ATOSA: variants seen among roughly 807,000 people sequenced by gnomAD.
ATOSA encodes the protein atos homolog A, also known as atos homolog protein A.
the ATOSA span, among the ~76,000 whole-genome samples, chr15:52,643,568 C>T: frequency 4.0e-4 from 60 of 151,832 alleles, no homozygotes; most frequent in African/African-American, 1.3e-3. Flanking sequence ...CAGGTGTGAG[C>T]CACAGTACCT....
At chr15:52,582,963 C>T in the ATOSA span, among the ~76,000 whole-genome samples, 1 of 152,312 alleles carries the variant, frequency 6.6e-6, no homozygotes, top group African/African-American at 2.4e-5. Flanking sequence ...CAAACATACC[C>T]TGTAGTGCTA....
chr15:52,681,311 G>T, the ATOSA span, among the ~76,000 whole-genome samples: 3 of 152,108 alleles, frequency 2.0e-5, no homozygotes, highest in African/African-American at 4.8e-5. Context: ...AATACTACCT[G>T]CTAGGCTCAT....
chr15:52,632,425 T>C, the ATOSA span, among the ~76,000 whole-genome samples: 2 of 152,218 alleles, frequency 1.3e-5, no homozygotes, highest in East Asian at 1.9e-4. Context: ...TACTTTTCTA[T>C]GGAACTGTGA....
At chr15:52,688,690 T>C in the ATOSA span, among the ~76,000 whole-genome samples, 1 of 152,222 alleles carries the variant, frequency 6.6e-6, no homozygotes. Context: ...GATGAGGTTT[T>C]ATCTGAAGGT....
chr15:52,594,854 G>C, the ATOSA span, among the ~76,000 whole-genome samples: 1 of 150,828 alleles, frequency 6.6e-6, no homozygotes, highest in East Asian at 1.9e-4. Flanking sequence ...TTCTTTTTTT[G>C]AAAAAAGCCT....
the ATOSA span, among the ~76,000 whole-genome samples, chr15:52,646,712 A>T: frequency 1.3e-5 from 2 of 152,214 alleles, no homozygotes; most frequent in Admixed American, 1.3e-4. Flanking sequence ...TTTAAGCCTC[A>T]ATTTTTAAAT....
the ATOSA span, among the ~76,000 whole-genome samples, chr15:52,699,486 A>G: frequency 6.6e-6 from 1 of 151,196 alleles, no homozygotes; most frequent in South Asian, 2.1e-4. Context: ...GGATTTGGAG[A>G]TTTTTAAGGC....
chr15:52,607,483 T>A, the ATOSA span, among the ~76,000 whole-genome samples: 1 of 152,144 alleles, frequency 6.6e-6, no homozygotes, highest in Non-Finnish European at 1.5e-5. Flanking sequence ...CCTTGATTAT[T>A]GTGAGGTAGT....
the ATOSA span, among the ~76,000 whole-genome samples, chr15:52,691,139 T>G: frequency 1.3e-5 from 2 of 152,174 alleles, no homozygotes; most frequent in Admixed American, 1.3e-4. Flanking sequence ...CAATCTCTGC[T>G]TATCCATCTA....
the ATOSA span, among the ~76,000 whole-genome samples, chr15:52,633,858 T>C: frequency 6.6e-6 from 1 of 152,056 alleles, no homozygotes; most frequent in African/African-American, 2.4e-5. Flanking sequence ...TTAAATATAA[T>C]TAAAGGAAAA....
the ATOSA span, among the ~76,000 whole-genome samples, chr15:52,642,714 C>A: frequency 6.6e-6 from 1 of 152,320 alleles, no homozygotes; most frequent in Non-Finnish European, 1.5e-5. Flanking sequence ...ACTGCTATTT[C>A]AGCAATCTCC....
the ATOSA span, among the ~76,000 whole-genome samples, chr15:52,685,189 T>A: frequency 1.3e-5 from 2 of 152,244 alleles, no homozygotes; most frequent in Non-Finnish European, 2.9e-5. Flanking sequence ...AACCAAGTGA[T>A]GCCTTTTAGC....
the ATOSA span, chr15:52,581,659 G>A: frequency 6.5e-6 from 1 of 152,788 alleles, no homozygotes; most frequent in Non-Finnish European, 1.5e-5. Context: ...CTTGCATAGT[G>A]TGTTACTTTT....
the ATOSA span, among the ~76,000 whole-genome samples, chr15:52,614,773 G>A: frequency 2.7e-4 from 41 of 151,884 alleles, no homozygotes; most frequent in African/African-American, 8.5e-4. Context: ...TCTTGAACAC[G>A]GGAGATGGAG....
At chr15:52,595,403 T>C in the ATOSA span, among the ~76,000 whole-genome samples, 41 of 152,294 alleles carry the variant, frequency 2.7e-4, no homozygotes, top group African/African-American at 8.7e-4. Flanking sequence ...AAAATTTTCA[T>C]AGGAGAGGTA....
At chr15:52,658,511 G>T in the ATOSA span, 2 of 382,100 alleles carry the variant, frequency 5.2e-6, no homozygotes, top group Non-Finnish European at 9.2e-6. Flanking sequence ...ACCTAAGAGA[G>T]GAAACATCAG....
At chr15:52,709,061 T>A in the ATOSA span, among the ~76,000 whole-genome samples, 2 of 152,076 alleles carry the variant, frequency 1.3e-5, no homozygotes, top group African/African-American at 2.4e-5. Context: ...TGTCTGCAAG[T>A]CTTCGTGTTA....
the ATOSA span, among the ~76,000 whole-genome samples, chr15:52,595,749 CAATT>C: frequency 1.3e-5 from 2 of 152,048 alleles, no homozygotes; most frequent in African/African-American, 4.8e-5. Context: ...GAACAATTGA[CAATT>C]AATTTTTAAG....
At chr15:52,662,515 A>C in the ATOSA span, among the ~76,000 whole-genome samples, 2 of 152,202 alleles carry the variant, frequency 1.3e-5, no homozygotes, top group Non-Finnish European at 2.9e-5. Context: ...TCAAGCCTGT[A>C]ATCCCAGCAC....
Sources: gnomAD v4.1 joint callset for allele counts (sites outside exome capture counted in the v4.1 genomes callset) on GRCh38, gnomAD v4.1.1 for gene constraint, MANE v1.5 for transcripts, NCBI Gene and HGNC (gene_info 2026-07-23, HGNC 2026-07-21) for gene names.